Variants in GUCY2C observed in about 807,000 individuals in gnomAD.
GUCY2C encodes the protein guanylyl cyclase C.
GUCY2C carries 118 observed loss-of-function variants against 131.1 expected under a neutral mutation model. That is an observed-to-expected ratio of 0.90 (90% CI 0.78 to 1.05). The LOEUF (loss-of-function observed/expected upper bound fraction) is 1.05, where lower values mean the gene tolerates loss of function less well. Ranked by LOEUF, GUCY2C falls within the 50% of genes least tolerant of loss-of-function variation. GUCY2C has a pLI of 0.00. For synonymous variants in GUCY2C, 452 were observed against 457.8 expected, an observed-to-expected ratio of 0.99 and a Z score of 0.16; for missense variants, 1,161 against 1,304.4, an observed-to-expected ratio of 0.89 and a Z score of 1.69.
chr12:14,671,964 C>T (rs557437584), intron 9 of GUCY2C, among the ~76,000 whole-genome samples: 5 of 152,234 alleles, frequency 3.3e-5, no homozygotes, highest in African/African-American at 9.6e-5. Flanking sequence ...GCTTTCTCAA[C>T]GTGGACATCT....
chr12:14,634,396 G>A (rs920719991), intron 19 of GUCY2C, among the ~76,000 whole-genome samples: 15 of 152,140 alleles, frequency 9.9e-5, no homozygotes, highest in Admixed American at 2.0e-4. Flanking sequence ...GGCGTCCTAC[G>A]CCTGGAAGTG....
chr12:14,623,295 A>G (rs952976478), intron 21 of GUCY2C, among the ~76,000 whole-genome samples: 3 of 152,318 alleles, frequency 2.0e-5, no homozygotes, highest in East Asian at 1.9e-4. Context: ...GCTGACTGCA[A>G]CAAAGGAGGT....
At chr12:14,686,848 T>C (rs150757170) in intron 2 of GUCY2C, among the ~76,000 whole-genome samples, 109 of 152,216 alleles carry the variant, frequency 7.2e-4, no homozygotes, top group Middle Eastern at 3.4e-3. Flanking sequence ...TTCCCAAGAT[T>C]GAGAATCACT....
At chr12:14,682,994 G>T (rs747195735) in intron 4 of GUCY2C, 48 bp downstream of exon 4, 8 of 1,308,728 alleles carry the variant, frequency 6.1e-6, no homozygotes, top group Non-Finnish European at 8.8e-6. Context: ...TGATCCTATG[G>T]CTTCTCTCCA....
chr12:14,638,682 A>G (rs755530068), intron 19 of GUCY2C, among the ~76,000 whole-genome samples: 31 of 152,226 alleles, frequency 2.0e-4, no homozygotes, highest in Non-Finnish European at 4.3e-4. Context: ...GGAGAGAATA[A>G]TGATAGCCAG....
rs752435021 is a variant in GUCY2C at position 14,672,890 on chromosome 12, A to T, written c.1153T>A (p.Ser385Thr). Residue 385 changes from serine to threonine, a missense_variant, in exon 9 of 27, where the codon TCT becomes ACT. By Grantham distance (58) the Ser-to-Thr change is moderately conservative. Coordinates refer to ENST00000261170, the MANE Select transcript of GUCY2C (RefSeq NM_004963.4). ...VDSTMVLLYT[S>T]VDTKKYKVLL... Reference sequence around the variant, plus strand: ...AGACATACTTTCTTGGTGTCCACAGAGGTATACAGAAGCACCATGGTACTG... The same window carrying T: ...AGACATACTTTCTTGGTGTCCACAGTGGTATACAGAAGCACCATGGTACTG... The T allele has an allele frequency of 1.4e-5, 22 of 1,598,790 alleles. No individual in the cohort carries two copies. Among genetic ancestry groups the T allele is most frequent in the Admixed American group, 1.7e-5 (1 of 59,980 alleles).
chr12:14,613,312 G>GA lies in GUCY2C; in HGVS notation c.3048-22dup, dbSNP rs776093297. 5.9e-4 allele frequency: 939 copies of GA among 1,593,350 alleles called. 2 individuals carry two copies. The highest frequency in any genetic ancestry group is 8.5e-4 in the South Asian group (77 of 90,626). ...TCTCCCTGGAAACAGAGTGGGAAGAGAAAATAGAACTTCTCAGCAATTCAT... is the reference window on the plus strand; with the variant it reads ...TCTCCCTGGAAACAGAGTGGGAAGAGAAAAATAGAACTTCTCAGCAATTCAT... On this transcript the variant is annotated intron_variant, in intron 26 of 26. Coordinates refer to ENST00000261170, the MANE Select transcript of GUCY2C (RefSeq NM_004963.4). The surrounding 1 kb of genome is among the most constrained non-coding windows in gnomAD (Gnocchi z 4.9).
At chr12:14,622,484 C>T (rs1946916943) in intron 21 of GUCY2C, among the ~76,000 whole-genome samples, 2 of 152,238 alleles carry the variant, frequency 1.3e-5, no homozygotes, top group South Asian at 2.1e-4. Flanking sequence ...CTTTAATATC[C>T]TCAAAACTCT....
chr12:14,654,125 C>G (rs1214164515), intron 12 of GUCY2C, among the ~76,000 whole-genome samples: 1 of 152,180 alleles, frequency 6.6e-6, no homozygotes, highest in Non-Finnish European at 1.5e-5. Flanking sequence ...AATGAATGAT[C>G]ATCTTGATTA....
Position 14,619,376 on chromosome 12 carries a change from A to C in GUCY2C, c.2777-67T>G. 3 of 958,114 alleles carry C rather than the reference A, an allele frequency of 3.1e-6. No homozygotes were observed. In the South Asian group the frequency reaches 3.9e-5, roughly 12 times the overall value. 59.4% of individuals were successfully genotyped at this position (958,114 alleles called of 1,614,324 possible). A position where few individuals can be genotyped will look rare whatever the true frequency, so the allele number is the denominator to read the frequency against. On this transcript the variant is annotated intron_variant, in intron 23 of 26. Coordinates refer to ENST00000261170, the MANE Select transcript of GUCY2C (RefSeq NM_004963.4). ...ATTGCAGAGTAGAGTGAAGACAGGT[A>C]AGCCTCTCTGTATGGTCACAATCCT...
chr12:14,667,569 G>C (rs916196757), intron 10 of GUCY2C, among the ~76,000 whole-genome samples: 1 of 152,206 alleles, frequency 6.6e-6, no homozygotes, highest in Admixed American at 6.5e-5. Flanking sequence ...CGCAGGTATA[G>C]CTCTGACACA....
At chr12:14,643,535 T>C (rs749390580) in intron 17 of GUCY2C, 39 bp downstream of exon 17, 3 of 1,601,408 alleles carry the variant, frequency 1.9e-6, no homozygotes, top group Non-Finnish European at 2.6e-6. Context: ...GAAAAAAAAA[T>C]CAGTTAGGAA....
chr12:14,688,648 C>T (rs1948521968), intron 1 of GUCY2C, among the ~76,000 whole-genome samples: 1 of 152,226 alleles, frequency 6.6e-6, no homozygotes, highest in South Asian at 2.1e-4. Context: ...CTTCTTTGCG[C>T]TCATGATACA....
chr12:14,630,353 A>C (rs1359749721), intron 19 of GUCY2C, among the ~76,000 whole-genome samples: 1 of 152,082 alleles, frequency 6.6e-6, no homozygotes. Context: ...GAAACAGCAA[A>C]CTGGGCCGAT....
intron 15 of GUCY2C, among the ~76,000 whole-genome samples, chr12:14,646,292 T>C (rs1947522323): frequency 6.6e-6 from 1 of 152,102 alleles, no homozygotes; most frequent in Non-Finnish European, 1.5e-5. Flanking sequence ...AAAAGCCCAG[T>C]TTGATTTTTA....
intron 15 of GUCY2C, among the ~76,000 whole-genome samples, chr12:14,646,555 T>TA (rs1258806953): frequency 3.9e-5 from 6 of 152,264 alleles, no homozygotes; most frequent in East Asian, 3.9e-4. Flanking sequence ...AAGTTTACTA[T>TA]AAAAAATGTG....
chr12:14,657,950 A>G (rs1348901493), intron 11 of GUCY2C, among the ~76,000 whole-genome samples: 1 of 152,152 alleles, frequency 6.6e-6, no homozygotes, highest in East Asian at 1.9e-4. Context: ...CCCATTTTCT[A>G]TATTCTTGTC....
At chr12:14,660,414 G>A (rs1465277056) in intron 11 of GUCY2C, among the ~76,000 whole-genome samples, 1 of 152,170 alleles carries the variant, frequency 6.6e-6, no homozygotes, top group African/African-American at 2.4e-5. Context: ...GAGAAGGCTT[G>A]AGTTCTAGTT....
Position 14,613,028 on chromosome 12 carries a change from A to T in GUCY2C, c.*89T>A. The T allele has an allele frequency of 9.3e-7, 1 of 1,072,652 alleles. No individual in the cohort carries two copies. The highest frequency in any genetic ancestry group is 1.4e-6 in the Non-Finnish European group (1 of 712,986). 66.4% of individuals were successfully genotyped at this position (1,072,652 alleles called of 1,614,324 possible). A position where few individuals can be genotyped will look rare whatever the true frequency, so the allele number is the denominator to read the frequency against. Reference sequence around the variant, plus strand: ...TACATTTCTGCTTCATTGAGGTCTCAGGAAAATGTAAGCTTTCAGGACACT... The same window carrying T: ...TACATTTCTGCTTCATTGAGGTCTCTGGAAAATGTAAGCTTTCAGGACACT... On this transcript the variant is annotated 3_prime_UTR_variant, in exon 27 of 27. Coordinates refer to ENST00000261170, the MANE Select transcript of GUCY2C (RefSeq NM_004963.4). The surrounding 1 kb of genome is among the most constrained non-coding windows in gnomAD (Gnocchi z 4.9).
Sources: gnomAD v4.1 joint callset for allele counts (sites outside exome capture counted in the v4.1 genomes callset) on GRCh38, gnomAD v4.1.1 for gene constraint, Gnocchi (gnomAD v3.1) non-coding constraint, MANE v1.5 for transcripts, NCBI Gene and HGNC (gene_info 2026-07-23, HGNC 2026-07-21) for gene names.